The following ZNF804A variants were observed in gnomAD, a reference collection of about 807,000 sequenced individuals.
ZNF804A encodes the protein zinc finger protein 804A.
Under a neutral mutation model 16.5 loss-of-function variants are expected in ZNF804A, and 2 were observed. The observed-to-expected ratio is 0.12, with a 90% CI of 0.05 to 0.38. ZNF804A has a LOEUF of 0.38. Among genes scored for constraint, ZNF804A ranks in the 10% least tolerant of loss-of-function variants. The pLI is 0.99. For missense variants in ZNF804A, 1,473 were observed against 1,390.7 expected, an observed-to-expected ratio of 1.06 and a Z score of -0.94; for synonymous variants, 534 against 489.6, an observed-to-expected ratio of 1.09 and a Z score of -1.20.
At chr2:184,684,003 AC>A (rs1322806538) in intron 1 of ZNF804A, among the ~76,000 whole-genome samples, 48 of 152,250 alleles carry the variant, frequency 3.2e-4, no homozygotes, top group African/African-American at 1.2e-3. Flanking sequence ...AATGTCTCTT[AC>A]CTTGATCTCC....
In ZNF804A at chr2:184,857,109, C is replaced by A. The variant is rs1010468753; in HGVS notation, c.112-9260C>A. On this transcript the variant is annotated intron_variant, in intron 1 of 3. Transcript: ENST00000302277. ...TTTTTTTTGATGTAGGCATTTATTG[C>A]TACCAACTTTCCTCTTTGGATTGCT... Among the ~76,000 whole-genome samples the A allele has an allele frequency of 4.6e-5, 7 of 151,992 alleles. No individual in the cohort carries two copies. In the East Asian group the frequency reaches 1.3e-3, roughly 29 times the overall value.
At chr2:184,705,678 G>A (rs1559130901) in intron 1 of ZNF804A, among the ~76,000 whole-genome samples, 1 of 151,748 alleles carries the variant, frequency 6.6e-6, no homozygotes, top group Non-Finnish European at 1.5e-5. Context: ...TAGTTTATAT[G>A]GACTATTTTT....
intron 2 of ZNF804A, among the ~76,000 whole-genome samples, chr2:184,892,484 T>TTTTTC (rs938032816): frequency 5.3e-4 from 7 of 13,118 alleles, no homozygotes; most frequent in African/African-American, 1.7e-3. Context: ...TGTTGTGTTC[T>TTTTTC]TTTTTTTTTT....
At chr2:184,699,407 T>C (rs1020925449) in intron 1 of ZNF804A, among the ~76,000 whole-genome samples, 1 of 152,092 alleles carries the variant, frequency 6.6e-6, no homozygotes, top group Non-Finnish European at 1.5e-5. Flanking sequence ...ATTGATTAGA[T>C]AGAAAATTAA....
chr2:184,645,075 C>A (rs1409029899), intron 1 of ZNF804A, among the ~76,000 whole-genome samples: 1 of 151,864 alleles, frequency 6.6e-6, no homozygotes, highest in Non-Finnish European at 1.5e-5. Flanking sequence ...TATTTGTGTA[C>A]CAGATCAGCC....
At chr2:184,813,136 A>G (rs1694927053) in intron 1 of ZNF804A, among the ~76,000 whole-genome samples, 1 of 152,082 alleles carries the variant, frequency 6.6e-6, no homozygotes, top group Non-Finnish European at 1.5e-5. Flanking sequence ...ATTTTACTAT[A>G]TTTAATTGTT....
chr2:184,657,519 C>T (rs1411865342), intron 1 of ZNF804A, among the ~76,000 whole-genome samples: 3 of 152,294 alleles, frequency 2.0e-5, no homozygotes, highest in South Asian at 4.1e-4. Context: ...GGATTCTGTA[C>T]ATCCCTTTTC....
rs376671850 is a variant in ZNF804A, at chr2:184,810,707, G to A, written c.112-55662G>A. 7.8e-4 allele frequency among the ~76,000 whole-genome samples: 118 copies of A among 151,980 alleles called. 1 individual carries two copies. The East Asian group carries it at 0.022, about 28-fold the overall frequency. ...GGGTTTCACCATTTTAGCCAGGATGGTCTCGATCTCCTGACCTCGTGACCT... is the reference window on the plus strand; with the variant it reads ...GGGTTTCACCATTTTAGCCAGGATGATCTCGATCTCCTGACCTCGTGACCT... On this transcript the variant is annotated intron_variant, in intron 1 of 3. Coordinates refer to ENST00000302277, the MANE Select transcript of ZNF804A (RefSeq NM_194250.2).
intron 1 of ZNF804A, among the ~76,000 whole-genome samples, chr2:184,623,877 T>A (rs1691455060): frequency 6.6e-6 from 1 of 152,184 alleles, no homozygotes; most frequent in African/African-American, 2.4e-5. Flanking sequence ...CTTACTCAGA[T>A]TATAACATTC....
intron 1 of ZNF804A, among the ~76,000 whole-genome samples, chr2:184,709,489 A>G (rs1304304690): frequency 3.9e-5 from 6 of 152,062 alleles, no homozygotes; most frequent in Non-Finnish European, 8.8e-5. Flanking sequence ...CCTGTAAGTT[A>G]AGGAAGTTTA....
At chr2:184,730,457 A>G (rs1693495674) in intron 1 of ZNF804A, among the ~76,000 whole-genome samples, 2 of 152,214 alleles carry the variant, frequency 1.3e-5, no homozygotes, top group African/African-American at 4.8e-5. Flanking sequence ...ACAAATGTAT[A>G]ATGACAGGCA....
intron 1 of ZNF804A, among the ~76,000 whole-genome samples, chr2:184,832,443 A>T (rs2105796261): frequency 6.6e-6 from 1 of 152,196 alleles, no homozygotes; most frequent in African/African-American, 2.4e-5. Context: ...ATAAGGTGTC[A>T]CAAATTATTT....
chr2:184,703,185 T>G (rs1383309), intron 1 of ZNF804A, among the ~76,000 whole-genome samples: 42,248 of 152,094 alleles, frequency 0.28, 7,058 homozygotes, highest in African/African-American at 0.47. Context: ...TATTTACTAT[T>G]AAAAGTTTGA....
chr2:184,846,195 CAT>C (rs1334688262), intron 1 of ZNF804A, among the ~76,000 whole-genome samples: 2 of 152,076 alleles, frequency 1.3e-5, no homozygotes, highest in African/African-American at 4.8e-5. Flanking sequence ...TCAAAGCACT[CAT>C]GTGTTTAAAA....
chr2:184,778,465 C>T (rs1295954832), intron 1 of ZNF804A, among the ~76,000 whole-genome samples: 4 of 151,264 alleles, frequency 2.6e-5, no homozygotes, highest in African/African-American at 7.3e-5. Context: ...AAAATAAAAC[C>T]GGACAAGAGG....
At chr2:184,916,466 A>G (rs556893531) in intron 2 of ZNF804A, among the ~76,000 whole-genome samples, 4 of 152,342 alleles carry the variant, frequency 2.6e-5, no homozygotes, top group African/African-American at 9.6e-5. Flanking sequence ...CTAAAAATAT[A>G]AAGAGAATTA....
chr2:184,884,778 C>T (rs1011992962), intron 2 of ZNF804A, among the ~76,000 whole-genome samples: 3 of 152,102 alleles, frequency 2.0e-5, no homozygotes, highest in Admixed American at 6.6e-5. Flanking sequence ...TAATTCTGTA[C>T]ATAGGCCCTG....
chr2:184,615,268 T>C (rs982171458), intron 1 of ZNF804A, among the ~76,000 whole-genome samples: 23 of 152,032 alleles, frequency 1.5e-4, no homozygotes, highest in African/African-American at 5.3e-4. Context: ...CCACCTAATG[T>C]AGGTGACAGG....
In ZNF804A at chr2:184,675,342, A is replaced by T. The variant is rs77010827; in HGVS notation, c.111+76272A>T. 7.6e-3 allele frequency among the ~76,000 whole-genome samples: 1,153 copies of T among 151,908 alleles called. 19 individuals carry two copies. Among genetic ancestry groups the T allele is most frequent in the African/African-American group, 0.026 (1,095 of 41,552 alleles). ...ACTGCTGTTATTGTCATATCTCCAC[A>T]ATATAAAGCAATAAATTTGACTTAC... On this transcript the variant is annotated intron_variant, in intron 1 of 3. Coordinates refer to ENST00000302277, the MANE Select transcript of ZNF804A (RefSeq NM_194250.2).
Sources: gnomAD v4.1 joint callset for allele counts (sites outside exome capture counted in the v4.1 genomes callset) on GRCh38, gnomAD v4.1.1 for gene constraint, MANE v1.5 for transcripts, NCBI Gene and HGNC (gene_info 2026-07-23, HGNC 2026-07-21) for gene names.